Variants in APBB1IP observed in about 807,000 individuals in gnomAD.
APBB1IP encodes amyloid beta precursor protein binding family B member 1 interacting protein.
In APBB1IP, 27 loss-of-function variants were observed where a neutral mutation model predicts 64.9. That is an observed-to-expected ratio of 0.42 (90% CI 0.31 to 0.57). The LOEUF is 0.57. Among genes scored for constraint, APBB1IP ranks in the 20% least tolerant of loss-of-function variants. The pLI is 0.20. For synonymous variants in APBB1IP, 392 were observed against 331.0 expected, an observed-to-expected ratio of 1.18 and a Z score of -2.00; for missense variants, 812 against 845.5, an observed-to-expected ratio of 0.96 and a Z score of 0.49.
At chr10:26,551,702 T>G (rs1836833080) in intron 11 of APBB1IP, among the ~76,000 whole-genome samples, 1 of 152,218 alleles carries the variant, frequency 6.6e-6, no homozygotes, top group African/African-American at 2.4e-5. Context: ...GCTATATTTT[T>G]CTTTACAGTA....
chr10:26,503,534 CT>C, intron 6 of APBB1IP, among the ~76,000 whole-genome samples: 1 of 152,022 alleles, frequency 6.6e-6, no homozygotes, highest in African/African-American at 2.4e-5. Context: ...ACTCGGGAGG[CT>C]GAGGAAGGAG....
At chr10:26,529,870 AC>A (rs1836526214) in intron 8 of APBB1IP, among the ~76,000 whole-genome samples, 1 of 152,164 alleles carries the variant, frequency 6.6e-6, no homozygotes, top group African/African-American at 2.4e-5. Flanking sequence ...CGAACTGCTG[AC>A]CTCAGGTGAT....
chr10:26,451,552 C>T (rs76757617), intron 2 of APBB1IP, among the ~76,000 whole-genome samples: 1 of 152,272 alleles, frequency 6.6e-6, no homozygotes, highest in Non-Finnish European at 1.5e-5. Flanking sequence ...TCCAGAATCA[C>T]ATCTGTGGCC....
intron 10 of APBB1IP, among the ~76,000 whole-genome samples, chr10:26,539,514 A>AAAAAAG (rs1836671337): frequency 6.6e-6 from 1 of 152,110 alleles, no homozygotes; most frequent in African/African-American, 2.4e-5. Context: ...AAAGGGAGAA[A>AAAAAAG]AAAAAGAAAA....
intron 7 of APBB1IP, 141 bp downstream of exon 7, chr10:26,512,047 C>T: frequency 9.5e-7 from 1 of 1,055,362 alleles, no homozygotes. Flanking sequence ...CCAGGCTGAT[C>T]TCAAAATCCT....
intron 11 of APBB1IP, among the ~76,000 whole-genome samples, chr10:26,557,745 GA>G (rs536008540): frequency 7.4e-4 from 113 of 152,228 alleles, no homozygotes; most frequent in Middle Eastern, 6.8e-3. Flanking sequence ...ATCCTTTCTG[GA>G]CAAAGATTAC....
intron 2 of APBB1IP, among the ~76,000 whole-genome samples, chr10:26,445,994 T>C (rs74128310): frequency 0.031 from 4,708 of 152,318 alleles, 236 homozygotes; most frequent in African/African-American, 0.11. Context: ...CATTACCACC[T>C]AGTAGAACTG....
chr10:26,463,164 G>A lies in APBB1IP; in HGVS notation c.-1+24311G>A, dbSNP rs150768103. On this transcript the variant is annotated intron_variant, in intron 2 of 14. Transcript: ENST00000376236. ...AGTAAAATTCACTGGAAGGCCAGGC[G>A]TGGTGGCTCACACCTGAAATCTCAG... Among the ~76,000 whole-genome samples the A allele has an allele frequency of 1.5e-3, 227 of 152,318 alleles. 5 individuals are homozygous for A. In the South Asian group the frequency reaches 0.025, roughly 17 times the overall value.
chr10:26,500,831 C>T lies in APBB1IP; in HGVS notation c.173C>T (p.Ala58Val). ...TTTTCCCTACTAGAGTCCTTAAATG[C>T]ACTGGAAGACCAAGATTTAGATGCT... ...GFKDLNESLN[A>V]LEDQDLDALM... Residue 58 changes from alanine (A) to valine (V), a missense_variant, in exon 5 of 15, where the codon GCA becomes GTA. By Grantham distance (64) the Ala-to-Val change is moderately conservative (BLOSUM62 0). This residue lies in a region of APBB1IP where 394 missense variants were observed against 413.1 expected (regional missense o/e 0.95). Coordinates refer to ENST00000376236, the MANE Select transcript of APBB1IP (RefSeq NM_019043.4). 1 of 1,613,362 alleles carries T rather than the reference C, an allele frequency of 6.2e-7. No homozygotes were observed. The highest frequency in any genetic ancestry group is 8.5e-7 in the Non-Finnish European group (1 of 1,179,424).
At chr10:26,554,023 T>C (rs1364167629) in intron 11 of APBB1IP, among the ~76,000 whole-genome samples, 4 of 152,190 alleles carry the variant, frequency 2.6e-5, no homozygotes, top group African/African-American at 2.4e-5. Flanking sequence ...CCAACCATTG[T>C]CTGTGTTGGA....
intron 2 of APBB1IP, among the ~76,000 whole-genome samples, chr10:26,475,597 T>G (rs915610870): frequency 5.9e-5 from 9 of 152,318 alleles, no homozygotes; most frequent in African/African-American, 1.9e-4. Flanking sequence ...AGACTTGCGT[T>G]TAAATCCCAT....
intron 2 of APBB1IP, among the ~76,000 whole-genome samples, chr10:26,483,893 T>C (rs1249980784): frequency 6.6e-6 from 1 of 152,186 alleles, no homozygotes; most frequent in African/African-American, 2.4e-5. Context: ...TTTTATTTTT[T>C]GTAGAGACAG....
intron 11 of APBB1IP, among the ~76,000 whole-genome samples, chr10:26,546,074 T>G (rs544665579): frequency 6.6e-6 from 1 of 152,260 alleles, no homozygotes; most frequent in South Asian, 2.1e-4. Context: ...GATTGGCGTC[T>G]GAGTCCTGGC....
intron 2 of APBB1IP, among the ~76,000 whole-genome samples, chr10:26,458,737 G>C (rs893110033): frequency 6.6e-6 from 1 of 151,956 alleles, no homozygotes; most frequent in Non-Finnish European, 1.5e-5. Context: ...GATTCTGGTA[G>C]GATTTTAAAG....
chr10:26,470,147 G>A (rs1490901101), intron 2 of APBB1IP, among the ~76,000 whole-genome samples: 5 of 152,198 alleles, frequency 3.3e-5, no homozygotes, highest in Non-Finnish European at 4.4e-5. Flanking sequence ...CACACATTTA[G>A]TAGAAACTGT....
chr10:26,477,665 G>A (rs2132419992), intron 2 of APBB1IP, among the ~76,000 whole-genome samples: 1 of 152,306 alleles, frequency 6.6e-6, no homozygotes, highest in East Asian at 1.9e-4. Flanking sequence ...ACTATGCTTA[G>A]CAACAAAACA....
At chr10:26,565,111 A>G (rs769023721) in intron 14 of APBB1IP, among the ~76,000 whole-genome samples, 5 of 152,206 alleles carry the variant, frequency 3.3e-5, no homozygotes, top group Non-Finnish European at 7.3e-5. Flanking sequence ...CCAAGAGAGA[A>G]CTATTTCCAT....
chr10:26,503,453 G>A (rs754610726), intron 6 of APBB1IP, among the ~76,000 whole-genome samples, 179 bp downstream of exon 6: 1 of 152,130 alleles, frequency 6.6e-6, no homozygotes, highest in Non-Finnish European at 1.5e-5. Context: ...GGCTAACATG[G>A]CAAAACCCCG....
chr10:26,550,841 C>G (rs551598614), intron 11 of APBB1IP, among the ~76,000 whole-genome samples: 3 of 152,128 alleles, frequency 2.0e-5, no homozygotes, highest in Non-Finnish European at 4.4e-5. Context: ...TTCAGTCTTC[C>G]CTGTCTGGAT....
Sources: gnomAD v4.1 joint callset for allele counts (sites outside exome capture counted in the v4.1 genomes callset) on GRCh38, gnomAD v4.1.1 for gene constraint, gnomAD v4.1.1 regional missense constraint, MANE v1.5 for transcripts, NCBI Gene and HGNC (gene_info 2026-07-23, HGNC 2026-07-21) for gene names.